PTPRT: variants seen among roughly 807,000 people sequenced by gnomAD.
PTPRT encodes the protein protein tyrosine phosphatase receptor type T.
PTPRT carries 56 observed loss-of-function variants against 176.8 expected under a neutral mutation model. That is an observed-to-expected ratio of 0.32 (90% CI 0.26 to 0.40). PTPRT has a LOEUF of 0.40. Among genes scored for constraint, PTPRT ranks in the 10% least tolerant of loss-of-function variants. The pLI is 1.00. For synonymous variants in PTPRT, 783 were observed against 739.0 expected (o/e 1.06, Z -0.96); for missense variants, 1,540 against 1,908.2 (o/e 0.81, Z 3.60).
At chr20:42,336,469 G>T (rs2058041496) in intron 11 of PTPRT, among the ~76,000 whole-genome samples, 2 of 152,104 alleles carry the variant, frequency 1.3e-5, no homozygotes, top group South Asian at 2.1e-4. Context: ...GAATGGTTGG[G>T]CTATTTGATT....
chr20:43,024,392 C>A (rs999457198), intron 1 of PTPRT, among the ~76,000 whole-genome samples: 1 of 151,924 alleles, frequency 6.6e-6, no homozygotes, highest in African/African-American at 2.4e-5. Flanking sequence ...AGTTAGAGAC[C>A]AGCCTGGCCA....
chr20:42,727,655 A>G (rs1003208169), intron 6 of PTPRT, among the ~76,000 whole-genome samples: 2 of 152,166 alleles, frequency 1.3e-5, no homozygotes, highest in Non-Finnish European at 1.5e-5. Context: ...CCAATGTTCA[A>G]TTCAGTAGAA....
chr20:42,464,314 A>G lies in PTPRT; in HGVS notation c.1450+7952T>C, dbSNP rs182458545. 9.2e-5 allele frequency among the ~76,000 whole-genome samples: 14 copies of G among 152,338 alleles called. No individual in the cohort carries two copies. The East Asian group carries it at 2.5e-3, about 27-fold the overall frequency. ...GTGAACAACACAAAACAAAGTTTCT[A>G]TTCCCATTAAGCTTATATCCCTCAA... On this transcript the variant is annotated intron_variant, in intron 8 of 30. Coordinates refer to ENST00000373187, the MANE Select transcript of PTPRT (RefSeq NM_007050.6).
intron 13 of PTPRT, 58 bp from the exon 14 acceptor site, chr20:42,248,880 AATC>A (rs2056502314): frequency 5.7e-6 from 9 of 1,585,982 alleles, no homozygotes; most frequent in Non-Finnish European, 6.9e-6. Context: ...GCGACTAGAC[AATC>A]ATCATAATGA....
rs1600449917 is a variant in PTPRT at position 42,076,742 on chromosome 20, T to C, written c.*4137A>G. 8 of 202,512 alleles carry C rather than the reference T, an allele frequency of 4.0e-5. No individual in the cohort carries two copies. In the East Asian group the frequency reaches 6.1e-4, roughly 15 times the overall value. 12.5% of individuals were successfully genotyped at this position (202,512 alleles called of 1,614,324 possible). A position where few individuals can be genotyped will look rare whatever the true frequency, so the allele number is the denominator to read the frequency against. On this transcript the variant is annotated 3_prime_UTR_variant, in exon 31 of 31. Coordinates refer to ENST00000373187, the MANE Select transcript of PTPRT (RefSeq NM_007050.6). ...CATGAGGAACAGAGCACATTTTTTT[T>C]TGAAATATTCATAGAGTCATATTAA...
At chr20:42,372,451 A>G (rs1354412466) in intron 9 of PTPRT, among the ~76,000 whole-genome samples, 1 of 151,586 alleles carries the variant, frequency 6.6e-6, no homozygotes, top group Non-Finnish European at 1.5e-5. Context: ...GCCTAGCTAA[A>G]TTTGTATATT....
At chr20:42,057,533 C>A in the PTPRT span, among the ~76,000 whole-genome samples, 1 of 152,192 alleles carries the variant, frequency 6.6e-6, no homozygotes, top group Non-Finnish European at 1.5e-5. Flanking sequence ...TGCAAATAAT[C>A]TTTCCTTGTG....
intron 5 of PTPRT, among the ~76,000 whole-genome samples, chr20:42,767,302 C>A (rs2145444524): frequency 6.6e-6 from 1 of 152,200 alleles, no homozygotes; most frequent in Non-Finnish European, 1.5e-5. Flanking sequence ...GCATGGCCCT[C>A]CCCAGCGTGA....
chr20:42,993,998 G>A (rs963491180), intron 1 of PTPRT, among the ~76,000 whole-genome samples: 4 of 152,242 alleles, frequency 2.6e-5, no homozygotes, highest in African/African-American at 9.6e-5. Context: ...ACAGACTTGA[G>A]TCAGTGCAAT....
At chr20:42,750,805 G>A (rs1016447727) in intron 6 of PTPRT, among the ~76,000 whole-genome samples, 4 of 152,138 alleles carry the variant, frequency 2.6e-5, no homozygotes, top group African/African-American at 9.7e-5. Context: ...CCTTGAAATT[G>A]AAGACACTCA....
intron 2 of PTPRT, among the ~76,000 whole-genome samples, chr20:42,874,799 C>T (rs937778389): frequency 6.6e-6 from 1 of 152,156 alleles, no homozygotes; most frequent in African/African-American, 2.4e-5. Context: ...GAACACTGTC[C>T]AGGAAGTGGT....
chr20:43,003,477 T>C (rs1382375100), intron 1 of PTPRT, among the ~76,000 whole-genome samples: 4 of 152,326 alleles, frequency 2.6e-5, no homozygotes, highest in East Asian at 3.9e-4. Context: ...GCTCGGATTA[T>C]AGGCTTGAGA....
intron 6 of PTPRT, among the ~76,000 whole-genome samples, chr20:42,738,952 C>T (rs749317627): frequency 3.9e-5 from 6 of 152,072 alleles, no homozygotes; most frequent in Non-Finnish European, 5.9e-5. Context: ...CCTGTAGTCC[C>T]AGCTACTCAA....
At position 42,677,857 on chromosome 20, in the gene PTPRT, A is replaced by AC; in HGVS notation, c.1153+8_1153+9insG. On this transcript the variant is annotated intron_variant, in intron 7 of 30. Coordinates refer to ENST00000373187, the MANE Select transcript of PTPRT (RefSeq NM_007050.6). ...TCATAATGGAGCCTGGGAAAAAAAA[A>AC]AATCTTACCTGCACACTTGGTCCTG... is the stretch of plus-strand genomic sequence containing the variant. 2 of 1,597,626 alleles carry AC rather than the reference A, an allele frequency of 1.3e-6. No homozygotes were observed. Among genetic ancestry groups the AC allele is most frequent in the Non-Finnish European group, 8.5e-7 (1 of 1,171,790 alleles).
chr20:42,167,788 T>C (rs1330349208), intron 16 of PTPRT, among the ~76,000 whole-genome samples: 1 of 152,152 alleles, frequency 6.6e-6, no homozygotes, highest in Non-Finnish European at 1.5e-5. Context: ...AACATTGGAT[T>C]CAAATGTGAT....
chr20:42,724,390 G>GCTCA (rs1274599394), intron 6 of PTPRT, among the ~76,000 whole-genome samples: 1 of 152,148 alleles, frequency 6.6e-6, no homozygotes, highest in African/African-American at 2.4e-5. Flanking sequence ...GGTCAGTGGG[G>GCTCA]CTCAGCCAGT....
chr20:43,146,635 T>C (rs916663263), intron 1 of PTPRT, among the ~76,000 whole-genome samples: 1 of 152,046 alleles, frequency 6.6e-6, no homozygotes, highest in Non-Finnish European at 1.5e-5. Flanking sequence ...ATGATGTTGA[T>C]GAAAAAGACT....
chr20:43,179,887 T>G (rs1393392819), intron 1 of PTPRT, among the ~76,000 whole-genome samples: 1 of 152,262 alleles, frequency 6.6e-6, no homozygotes, highest in Non-Finnish European at 1.5e-5. Context: ...CCCCACTTCC[T>G]GGCATTCATG....
At chr20:42,576,530 C>T (rs774774215) in intron 7 of PTPRT, among the ~76,000 whole-genome samples, 59 of 152,236 alleles carry the variant, frequency 3.9e-4, no homozygotes, top group Admixed American at 5.9e-4. Flanking sequence ...CCCCAGAGGC[C>T]AGAAAATGCT....
Sources: gnomAD v4.1 joint callset for allele counts (sites outside exome capture counted in the v4.1 genomes callset) on GRCh38, gnomAD v4.1.1 for gene constraint, MANE v1.5 for transcripts, NCBI Gene and HGNC (gene_info 2026-07-23, HGNC 2026-07-21) for gene names.